OGDH: variants seen among roughly 807,000 people sequenced by gnomAD.
The protein encoded by OGDH is 2-oxoglutarate dehydrogenase complex component E1.
In OGDH, 38 loss-of-function variants were observed where a neutral mutation model predicts 116.6. The ratio of observed to expected loss-of-function variants is 0.33; its 90% confidence interval spans 0.25 to 0.43. OGDH has a LOEUF of 0.43. OGDH is among the 20% of genes least tolerant of loss of function. The probability of loss-of-function intolerance (pLI) is 1.00; values close to 1 mark genes in which losing one functional copy is unlikely to be tolerated. For missense variants in OGDH, 825 were observed against 1,357.2 expected (o/e 0.61, Z 6.16); for synonymous variants, 488 against 533.3 (o/e 0.92, Z 1.17).
At chr7:44,656,169 G>C in intron 4 of OGDH, 1 of 679,920 alleles carries the variant, frequency 1.5e-6, no homozygotes, top group Non-Finnish European at 2.5e-6. Context: ...CTTCTCCCTT[G>C]ATGTGTGTGT....
At chr7:44,614,834 CT>C (rs201747358) in intron 1 of OGDH, among the ~76,000 whole-genome samples, 9,249 of 111,060 alleles carry the variant, frequency 0.083, 342 homozygotes, top group East Asian at 0.36. Flanking sequence ...TCTTTTGGTT[CT>C]TTTTTTTTTT....
intron 1 of OGDH, among the ~76,000 whole-genome samples, chr7:44,613,756 A>G (rs56000965): frequency 0.31 from 46,017 of 150,562 alleles, 8,439 homozygotes; most frequent in Non-Finnish European, 0.41. Context: ...TCGGCCTCCC[A>G]AAGTGCTGGG....
chr7:44,636,751 A>G (rs1300911881), intron 2 of OGDH, among the ~76,000 whole-genome samples: 1 of 152,226 alleles, frequency 6.6e-6, no homozygotes, highest in African/African-American at 2.4e-5. Flanking sequence ...TGACTTGGAA[A>G]ACAGAGCTTC....
At chr7:44,636,405 G>T (rs538463511) in intron 2 of OGDH, among the ~76,000 whole-genome samples, 1 of 152,228 alleles carries the variant, frequency 6.6e-6, no homozygotes, top group Admixed American at 6.5e-5. Flanking sequence ...GCCTGTAGCT[G>T]CCGATATGTG....
intron 1 of OGDH, among the ~76,000 whole-genome samples, chr7:44,620,753 G>A (rs1585227447): frequency 9.0e-6 from 1 of 111,550 alleles, no homozygotes; most frequent in South Asian, 3.6e-4. Flanking sequence ...ATGTTTTTGC[G>A]ATTTTTTTTT....
chr7:44,607,138 C>T (rs539163740), intron 1 of OGDH, among the ~76,000 whole-genome samples: 1 of 152,332 alleles, frequency 6.6e-6, no homozygotes, highest in African/African-American at 2.4e-5. Flanking sequence ...GACAGTGTGG[C>T]CTGCTCGAGT....
At chr7:44,685,647 C>T (rs1421214524) in intron 10 of OGDH, among the ~76,000 whole-genome samples, 1 of 151,362 alleles carries the variant, frequency 6.6e-6, no homozygotes. Flanking sequence ...GAGACGGGGT[C>T]TTGCTCTGTT....
chr7:44,699,497 G>C (rs2116382020), intron 18 of OGDH, among the ~76,000 whole-genome samples: 1 of 151,618 alleles, frequency 6.6e-6, no homozygotes, highest in Non-Finnish European at 1.5e-5. Context: ...ATTGGTTTTA[G>C]GTAGAACTTG....
In OGDH at chr7:44,696,021, C is replaced by T; in HGVS notation, c.1669-4C>T. 1 of 1,575,120 alleles carries T rather than the reference C, an allele frequency of 6.3e-7. No individual in the cohort carries two copies. On this transcript the variant is annotated splice_polypyrimidine_tract_variant and splice_region_variant and intron_variant, in intron 12 of 22. Coordinates refer to ENST00000222673, the MANE Select transcript of OGDH (RefSeq NM_002541.4). ...GTCACGCTGTGTTGTGCCCAACCCT[C>T]CAGGAGGAAATTTCCAAGTATGATA...
chr7:44,614,392 C>T (rs902762141), intron 1 of OGDH, among the ~76,000 whole-genome samples: 8 of 151,172 alleles, frequency 5.3e-5, no homozygotes, highest in African/African-American at 1.7e-4. Context: ...TTATTCTTCA[C>T]GGGGTTCTTT....
At chr7:44,696,650 G>T in intron 14 of OGDH, 93 bp downstream of exon 14, 1 of 1,536,186 alleles carries the variant, frequency 6.5e-7, no homozygotes, top group Non-Finnish European at 8.8e-7. Context: ...CACCCATCAT[G>T]TGTCCTACAG....
At chr7:44,689,978 C>CT (rs1170958334) in intron 10 of OGDH, among the ~76,000 whole-genome samples, 1 of 152,182 alleles carries the variant, frequency 6.6e-6, no homozygotes, top group African/African-American at 2.4e-5. Flanking sequence ...ACCTCCTATG[C>CT]TTTCTTCTGA....
chr7:44,672,849 G>T (rs1585335289), intron 5 of OGDH, among the ~76,000 whole-genome samples: 1 of 152,014 alleles, frequency 6.6e-6, no homozygotes, highest in Admixed American at 6.5e-5. Flanking sequence ...CACCATATTG[G>T]TCAGGCTGGT....
chr7:44,616,628 T>C (rs560262009), intron 1 of OGDH, among the ~76,000 whole-genome samples: 17 of 149,358 alleles, frequency 1.1e-4, no homozygotes, highest in African/African-American at 3.2e-4. Flanking sequence ...TATATATATA[T>C]ACACATGTTT....
intron 4 of OGDH, among the ~76,000 whole-genome samples, chr7:44,664,936 A>C (rs548836266): frequency 1.3e-5 from 2 of 152,240 alleles, no homozygotes; most frequent in Non-Finnish European, 2.9e-5. Flanking sequence ...CACAGGGTCC[A>C]TGCTGAAAGA....
chr7:44,620,654 C>T (rs1349584950), intron 1 of OGDH, among the ~76,000 whole-genome samples: 2 of 152,150 alleles, frequency 1.3e-5, no homozygotes, highest in Non-Finnish European at 2.9e-5. Context: ...CAAGCTTGTC[C>T]AACTCCCAGC....
chr7:44,646,242 C>T (rs1213461181), intron 3 of OGDH, among the ~76,000 whole-genome samples: 1 of 152,242 alleles, frequency 6.6e-6, no homozygotes, highest in Non-Finnish European at 1.5e-5. Context: ...TGCTTCCCTT[C>T]TGGAAGCTCC....
At chr7:44,634,672 C>T (rs1785586747) in intron 2 of OGDH, among the ~76,000 whole-genome samples, 1 of 152,212 alleles carries the variant, frequency 6.6e-6, no homozygotes. Context: ...TAACTGGCCT[C>T]AGTATAAACA....
chr7:44,629,381 C>A lies in OGDH; in HGVS notation c.222+4816C>A, dbSNP rs948792431. 2.0e-5 allele frequency among the ~76,000 whole-genome samples: 3 copies of A among 152,174 alleles called. No homozygotes were observed. The South Asian group carries it at 6.2e-4, about 31-fold the overall frequency. ...CTTCTCCCAACAGTGCCTTCAGCAG[C>A]TGCCTTGAGGGTGCCATCATTGGCC... On this transcript the variant is annotated intron_variant, in intron 2 of 22. Transcript: ENST00000222673.
Sources: allele counts gnomAD v4.1 joint callset (sites outside exome capture counted in the v4.1 genomes callset), GRCh38; gene constraint gnomAD v4.1.1; transcripts MANE v1.5; gene names NCBI Gene and HGNC (gene_info 2026-07-23, HGNC 2026-07-21).